CCDC32: variants seen among roughly 807,000 people sequenced by gnomAD.
The protein encoded by CCDC32 is coiled-coil domain containing 32.
In CCDC32, 9 loss-of-function variants were observed where a neutral mutation model predicts 20.1. The observed-to-expected ratio is 0.45, with a 90% confidence interval of 0.27 to 0.78. CCDC32 has a LOEUF of 0.78. Ranked by LOEUF, CCDC32 falls within the 30% of genes least tolerant of loss-of-function variation. The pLI, the probability that CCDC32 is intolerant of heterozygous loss-of-function variation, is 0.16. For missense variants in CCDC32, 204 were observed against 215.5 expected (o/e 0.95, Z 0.33); for synonymous variants, 63 against 79.0 (o/e 0.80, Z 1.07).
chr15:40,549,458 G>A (rs1004280145), downstream of CCDC32, among the ~76,000 whole-genome samples: 2 of 152,030 alleles, frequency 1.3e-5, no homozygotes, highest in African/African-American at 2.4e-5. Context: ...TATGGACTCA[G>A]CTCCCCTAAC....
chr15:40,532,372 C>T, downstream of CCDC32: 2 of 696,112 alleles, frequency 2.9e-6, no homozygotes, highest in Non-Finnish European at 5.2e-6. Context: ...TAAATGTTTC[C>T]AGATAGTTCT....
At chr15:40,539,881 C>CACACACACACACACACACACACA (rs1491175376) in intron 3 of CCDC32, among the ~76,000 whole-genome samples, 2 of 147,840 alleles carry the variant, frequency 1.4e-5, no homozygotes, top group Admixed American at 6.8e-5. Context: ...CACACACACA[C>CACACACACACACACACACACACA]CCCGCTCCTT....
intron 3 of CCDC32, among the ~76,000 whole-genome samples, chr15:40,543,266 G>A (rs1424823652): frequency 6.6e-6 from 1 of 152,142 alleles, no homozygotes; most frequent in East Asian, 1.9e-4. Context: ...AATAAAGTCT[G>A]AGGTGTGACC....
chr15:40,564,366 A>G (rs1262721777), intron 1 of CCDC32, among the ~76,000 whole-genome samples: 1 of 152,188 alleles, frequency 6.6e-6, no homozygotes, highest in Non-Finnish European at 1.5e-5. Context: ...TCTAGGGCAC[A>G]TTACTGATAT....
At chr15:40,539,378 C>T in intron 3 of CCDC32, 1 of 1,524,446 alleles carries the variant, frequency 6.6e-7, no homozygotes, top group Middle Eastern at 1.7e-4. Context: ...GACAGACCGA[C>T]AGAGACGAGG....
At chr15:40,543,030 A>G (rs1358596719) in intron 3 of CCDC32, among the ~76,000 whole-genome samples, 1 of 151,644 alleles carries the variant, frequency 6.6e-6, no homozygotes, top group Non-Finnish European at 1.5e-5. Context: ...AGTCACAGCA[A>G]ACTCAGGAGG....
chr15:40,525,175 C>G (rs923602133), downstream of CCDC32, among the ~76,000 whole-genome samples: 37 of 152,200 alleles, frequency 2.4e-4, no homozygotes, highest in African/African-American at 8.7e-4. Flanking sequence ...TTACAGGCGC[C>G]TGCCACTGTG....
chr15:40,538,783 T>C (rs1437257267), downstream of CCDC32: 1 of 153,496 alleles, frequency 6.5e-6, no homozygotes, highest in Non-Finnish European at 1.5e-5. Flanking sequence ...AATAATTTGG[T>C]TCTTTTTAAT....
At chr15:40,533,042 G>A (rs571066915), downstream of CCDC32, among the ~76,000 whole-genome samples, 1 of 151,912 alleles carries the variant, frequency 6.6e-6, no homozygotes, top group African/African-American at 2.4e-5. Flanking sequence ...CTATTCTCCT[G>A]TTGGTGGACA....
intron 3 of CCDC32, among the ~76,000 whole-genome samples, chr15:40,539,880 ACC>A (rs58704600): frequency 2.9e-5 from 4 of 139,040 alleles, no homozygotes; most frequent in Non-Finnish European, 6.4e-5. Flanking sequence ...ACACACACAC[ACC>A]CCGCTCCTTG....
intron 3 of CCDC32, chr15:40,528,819 G>A (rs1894932885): frequency 1.4e-6 from 1 of 697,098 alleles, no homozygotes; most frequent in Non-Finnish European, 2.6e-6. Flanking sequence ...GAAAAGAAAA[G>A]TAAAAGAAAA....
At chr15:40,523,326 G>A in the CCDC32 span, among the ~76,000 whole-genome samples, 12 of 151,946 alleles carry the variant, frequency 7.9e-5, no homozygotes, top group African/African-American at 9.6e-5. Flanking sequence ...CCAACATGGA[G>A]AAACCCCGTC....
chr15:40,542,283 T>G (rs953407116), intron 3 of CCDC32, among the ~76,000 whole-genome samples: 10 of 152,240 alleles, frequency 6.6e-5, no homozygotes, highest in African/African-American at 2.2e-4. Flanking sequence ...TCCTTTGTAC[T>G]TCAGTGTGTC....
At chr15:40,524,400 C>T (rs145508988), downstream of CCDC32, among the ~76,000 whole-genome samples, 741 of 152,044 alleles carry the variant, frequency 4.9e-3, 4 homozygotes, top group East Asian at 0.026. Context: ...TCGTGATCCG[C>T]CCACCTCGGC....
At chr15:40,539,178 C>T (rs1889263524), downstream of CCDC32, 1 of 1,422,098 alleles carries the variant, frequency 7.0e-7, no homozygotes, top group Non-Finnish European at 9.6e-7. Context: ...AACCTGACAC[C>T]ACAGAAAGGT....
the CCDC32 span, among the ~76,000 whole-genome samples, chr15:40,523,681 G>A: frequency 6.6e-6 from 1 of 152,074 alleles, no homozygotes; most frequent in East Asian, 1.9e-4. Flanking sequence ...GATATAAAAA[G>A]GGTCAATAAA....
At chr15:40,531,717 C>A (rs554500728), downstream of CCDC32, 1 of 152,344 alleles carries the variant, frequency 6.6e-6, no homozygotes, top group South Asian at 2.1e-4. Context: ...TGAGCTCAAG[C>A]AATCCTCCTA....
chr15:40,561,158 C>T (rs1890595851), intron 2 of CCDC32, among the ~76,000 whole-genome samples: 1 of 152,132 alleles, frequency 6.6e-6, no homozygotes, highest in African/African-American at 2.4e-5. Flanking sequence ...GGGAGCTAAG[C>T]TATGGGTACA....
In CCDC32 at chr15:40,562,856, T is replaced by A. The variant is rs1248348916; in HGVS notation, c.160A>T (p.Arg54Trp). 1.2e-6 allele frequency: 2 copies of A among 1,614,108 alleles called. No individual in the cohort carries two copies. The highest frequency in any genetic ancestry group is 3.3e-5 in the Admixed American group (2 of 60,002). Reference sequence around the variant, plus strand: ...TGGACAGCAAAGTCAGCCACCTCCCTCTGGCCTTCACCTTCAGGGCAAGAA... The same window carrying A: ...TGGACAGCAAAGTCAGCCACCTCCCACTGGCCTTCACCTTCAGGGCAAGAA... ...VDSCPEGEGQ[R>W]EVADFAVQPA... The change falls in exon 2 of 4, where the codon AGG becomes TGG. Residue 54 changes from arginine (R) to tryptophan (W), a missense_variant. Transcript: ENST00000416810.
Sources: allele counts gnomAD v4.1 joint callset (sites outside exome capture counted in the v4.1 genomes callset), GRCh38; gene constraint gnomAD v4.1.1; transcripts MANE v1.5; gene names NCBI Gene and HGNC (gene_info 2026-07-23, HGNC 2026-07-21).